Variants in ENTREP2 observed in about 807,000 individuals in gnomAD.
ENTREP2 encodes the protein endosomal transmembrane epsin interactor 2, also known as protein ENTREP2.
chr15:29,394,688 T>C, the ENTREP2 span, among the ~76,000 whole-genome samples: 17 of 152,116 alleles, frequency 1.1e-4, no homozygotes, highest in Non-Finnish European at 1.9e-4. Flanking sequence ...CCTTTCATCT[T>C]GCAAAATTAA....
At chr15:29,656,790 C>A in the ENTREP2 span, among the ~76,000 whole-genome samples, 3 of 152,018 alleles carry the variant, frequency 2.0e-5, no homozygotes, top group African/African-American at 4.8e-5. Flanking sequence ...AAAAACAGTT[C>A]GTTTCTTCTA....
At chr15:29,168,238 G>C in the ENTREP2 span, among the ~76,000 whole-genome samples, 1 of 152,042 alleles carries the variant, frequency 6.6e-6, no homozygotes, top group Non-Finnish European at 1.5e-5. Context: ...ATACTGCTCG[G>C]GTGTTGAGTG....
the ENTREP2 span, among the ~76,000 whole-genome samples, chr15:29,466,779 A>AGAGGACGCTGCAGCCCCCAGGG: frequency 5.2e-5 from 4 of 76,618 alleles, no homozygotes; most frequent in Non-Finnish European, 1.1e-4. Flanking sequence ...AGCCCCCAGG[A>AGAGGACGCTGCAGCCCCCAGGG]GAGGGCCCAG....
At chr15:29,386,407 A>C in the ENTREP2 span, among the ~76,000 whole-genome samples, 2 of 152,196 alleles carry the variant, frequency 1.3e-5, no homozygotes, top group Non-Finnish European at 2.9e-5. Context: ...GCACCGAAGA[A>C]GCGAACCACA....
the ENTREP2 span, among the ~76,000 whole-genome samples, chr15:29,340,659 T>C: frequency 6.6e-6 from 1 of 152,192 alleles, no homozygotes; most frequent in Non-Finnish European, 1.5e-5. Context: ...AGAAAACCAA[T>C]TATCGTAGGA....
At chr15:29,153,553 T>C in the ENTREP2 span, among the ~76,000 whole-genome samples, 61 of 152,330 alleles carry the variant, frequency 4.0e-4, no homozygotes, top group South Asian at 0.012. Flanking sequence ...CCAAAGGCCC[T>C]GCCTCCTATT....
chr15:29,155,020 T>G, the ENTREP2 span, among the ~76,000 whole-genome samples: 7 of 151,474 alleles, frequency 4.6e-5, no homozygotes, highest in African/African-American at 7.3e-5. Context: ...TGGTGGCTCA[T>G]GCCTGTAATC....
the ENTREP2 span, among the ~76,000 whole-genome samples, chr15:29,205,410 C>A: frequency 6.6e-6 from 1 of 152,226 alleles, no homozygotes; most frequent in African/African-American, 2.4e-5. Context: ...TTTTCCACAG[C>A]AGCTGTGCCA....
chr15:29,546,714 G>A, the ENTREP2 span, among the ~76,000 whole-genome samples: 3 of 151,870 alleles, frequency 2.0e-5, no homozygotes, highest in Non-Finnish European at 4.4e-5. Flanking sequence ...GTGAAACCCT[G>A]TCTCTACTAA....
the ENTREP2 span, among the ~76,000 whole-genome samples, chr15:29,472,466 CACACACAT>C: frequency 5.1e-3 from 645 of 125,388 alleles, 6 homozygotes; most frequent in African/African-American, 0.02. Context: ...CACACACACA[CACACACAT>C]ATAAATTTGA....
the ENTREP2 span, among the ~76,000 whole-genome samples, chr15:29,372,928 T>TACA: frequency 6.6e-6 from 1 of 152,012 alleles, no homozygotes; most frequent in African/African-American, 2.4e-5. Flanking sequence ...AAGATAAAGT[T>TACA]AGAGTCTTCA....
the ENTREP2 span, among the ~76,000 whole-genome samples, chr15:29,253,632 G>A: frequency 0.65 from 99,080 of 151,736 alleles, 35,785 homozygotes; most frequent in Middle Eastern, 0.81. Flanking sequence ...TAGTAGAGAC[G>A]GGGTTTCACC....
At chr15:29,638,146 A>G in the ENTREP2 span, among the ~76,000 whole-genome samples, 1 of 152,212 alleles carries the variant, frequency 6.6e-6, no homozygotes. Flanking sequence ...ATCAAAAGGA[A>G]TCTGGCCTTG....
chr15:29,432,390 G>A, the ENTREP2 span, among the ~76,000 whole-genome samples: 3 of 152,262 alleles, frequency 2.0e-5, no homozygotes, highest in East Asian at 5.8e-4. Context: ...TCTTCACCAG[G>A]TTTCCACATC....
the ENTREP2 span, among the ~76,000 whole-genome samples, chr15:29,666,430 C>G: frequency 6.6e-6 from 1 of 151,918 alleles, no homozygotes; most frequent in Non-Finnish European, 1.5e-5. Context: ...CCCACCCTCG[C>G]CCAGACTGCC....
chr15:29,137,572 T>C, the ENTREP2 span, among the ~76,000 whole-genome samples: 1 of 152,162 alleles, frequency 6.6e-6, no homozygotes, highest in African/African-American at 2.4e-5. Context: ...TGGTGGCTCA[T>C]GCCTGTAATC....
chr15:29,125,246 G>T, the ENTREP2 span, among the ~76,000 whole-genome samples: 2 of 152,206 alleles, frequency 1.3e-5, no homozygotes, highest in African/African-American at 2.4e-5. Flanking sequence ...AAACCTCAGT[G>T]AGTGAATGTG....
chr15:29,314,708 G>A, the ENTREP2 span, among the ~76,000 whole-genome samples: 2 of 152,150 alleles, frequency 1.3e-5, no homozygotes, highest in African/African-American at 4.8e-5. Context: ...AATTATGTCT[G>A]TATACAAAAA....
chr15:29,365,544 A>T, the ENTREP2 span, among the ~76,000 whole-genome samples: 1 of 152,010 alleles, frequency 6.6e-6, no homozygotes, highest in Non-Finnish European at 1.5e-5. Flanking sequence ...ATTTCTTTTT[A>T]GCACTGACTA....
Sources: allele counts gnomAD v4.1 joint callset (sites outside exome capture counted in the v4.1 genomes callset), GRCh38; gene constraint gnomAD v4.1.1; transcripts MANE v1.5; gene names NCBI Gene and HGNC (gene_info 2026-07-23, HGNC 2026-07-21).